The following KIAA1671 variants were observed in gnomAD, a reference collection of about 807,000 sequenced individuals.
KIAA1671 encodes the protein uncharacterized protein KIAA1671.
Under a neutral mutation model 131.2 loss-of-function variants are expected in KIAA1671, and 52 were observed. The ratio of observed to expected loss-of-function variants is 0.40; its 90% CI spans 0.32 to 0.50. The LOEUF (loss-of-function observed/expected upper bound fraction) is 0.50. KIAA1671 is among the 20% of genes least tolerant of loss of function. KIAA1671 has a pLI of 0.73. For synonymous variants in KIAA1671, 1,003 were observed against 961.6 expected, an observed-to-expected ratio of 1.04 and a Z score of -0.80; for missense variants, 2,360 against 2,364.2, an observed-to-expected ratio of 1.00 and a Z score of 0.04.
intron 6 of KIAA1671, among the ~76,000 whole-genome samples, chr22:25,071,543 A>C (rs1273544903): frequency 1.3e-5 from 2 of 148,208 alleles, no homozygotes; most frequent in Non-Finnish European, 3.0e-5. Flanking sequence ...AAAATAATGC[A>C]TGTGCATGGT....
At chr22:24,980,803 G>A (rs1324218950) in intron 1 of KIAA1671, among the ~76,000 whole-genome samples, 1 of 151,594 alleles carries the variant, frequency 6.6e-6, no homozygotes, top group East Asian at 1.9e-4. Flanking sequence ...CTGAAGTGCA[G>A]TGGCATGATC....
chr22:24,964,174 G>C (rs112117280), intron 1 of KIAA1671, among the ~76,000 whole-genome samples: 2,503 of 151,528 alleles, frequency 0.017, 65 homozygotes, highest in African/African-American at 0.057. Context: ...ACTAAAAATA[G>C]AAAAATTAGC....
chr22:25,051,253 G>C (rs945855803), intron 6 of KIAA1671: 1 of 152,280 alleles, frequency 6.6e-6, no homozygotes, highest in Admixed American at 6.5e-5. Flanking sequence ...AGGAGGTGGT[G>C]TTCAGCTCCT....
At chr22:25,187,147 C>T (rs887574320) in intron 11 of KIAA1671, among the ~76,000 whole-genome samples, 1 of 152,254 alleles carries the variant, frequency 6.6e-6, no homozygotes, top group African/African-American at 2.4e-5. Flanking sequence ...GTACCACCAA[C>T]AGGCCAGCAT....
chr22:25,004,562 A>G (rs1479529985), intron 1 of KIAA1671, among the ~76,000 whole-genome samples: 1 of 152,178 alleles, frequency 6.6e-6, no homozygotes, highest in Non-Finnish European at 1.5e-5. Context: ...CCATCTGCCC[A>G]TTTCCCTGCC....
Position 25,041,057 on chromosome 22 carries a change from A to C in KIAA1671, c.3927A>C (p.Pro1309=). The C allele has an allele frequency of 6.6e-7, 1 of 1,521,168 alleles. No homozygotes were observed. 94.2% of individuals were successfully genotyped at this position (1,521,168 alleles called of 1,614,324 possible). ...LPPSAPSERY[P]GGSPIPADPR... ...CCTCGGCTCCTTCTGAAAGGTATCCAGGGGGCTCTCCTATACCTGCGGATC... is the reference window on the plus strand; with the variant it reads ...CCTCGGCTCCTTCTGAAAGGTATCCCGGGGGCTCTCCTATACCTGCGGATC... Residue 1309 remains proline, a synonymous_variant, in exon 5 of 13, where the codon CCA becomes CCC. Coordinates refer to ENST00000358431, the MANE Select transcript of KIAA1671 (RefSeq NM_001145206.2).
intron 6 of KIAA1671, among the ~76,000 whole-genome samples, chr22:25,143,991 C>G (rs1932841064): frequency 6.6e-6 from 1 of 151,396 alleles, no homozygotes; most frequent in Non-Finnish European, 1.5e-5. Context: ...GGCAACATAG[C>G]AAGATCCCAT....
intron 6 of KIAA1671, among the ~76,000 whole-genome samples, chr22:25,122,615 C>T (rs1931995691): frequency 6.6e-6 from 1 of 152,160 alleles, no homozygotes; most frequent in Non-Finnish European, 1.5e-5. Flanking sequence ...CTTTCTTGGA[C>T]AAAGCCAAGA....
At position 25,052,208 on chromosome 22, in the gene KIAA1671, G is replaced by A. The variant is rs1927569035; in HGVS notation, c.4530+2844G>A. The A allele has an allele frequency of 2.0e-5, 3 of 152,372 alleles. No homozygotes were observed. In the East Asian group the frequency reaches 5.8e-4, roughly 29 times the overall value. The allele number at this position is 152,372 out of a possible 1,614,324, so 9.4% of individuals were successfully genotyped here. A position where few individuals can be genotyped will look rare whatever the true frequency, so the allele number is the denominator to read the frequency against. ...GGAAACAAGACACCCTGAGCCCTGG[G>A]ACTCCTCCTGGAGCTGAGAATGTGA... is the stretch of plus-strand genomic sequence containing the variant. On this transcript the variant is annotated intron_variant, in intron 6 of 12. Coordinates refer to ENST00000358431, the MANE Select transcript of KIAA1671 (RefSeq NM_001145206.2).
Position 25,174,394 on chromosome 22 carries a change from T to C in KIAA1671, c.4804T>C (p.Ser1602Pro). Residue 1602 changes from serine (S) to proline (P), a missense_variant, in exon 8 of 13, where the codon TCC (serine) becomes CCC (proline). This residue lies in a region of KIAA1671 where 1,161 missense variants were observed against 1,204.7 expected (regional missense o/e 0.96). Coordinates refer to ENST00000358431, the MANE Select transcript of KIAA1671 (RefSeq NM_001145206.2). Reference sequence around the variant, plus strand: ...CCAGCGGAGCACCAGCGTGGACCACTCCAGCACTGACCTGGAATCCACCGA... The same window carrying C: ...CCAGCGGAGCACCAGCGTGGACCACCCCAGCACTGACCTGGAATCCACCGA... ...RDQRSTSVDHSSTDLESTDGM... is the reference protein window; with the variant it reads ...RDQRSTSVDHPSTDLESTDGM... 1 of 1,551,880 alleles carries C rather than the reference T, an allele frequency of 6.4e-7. No homozygotes were observed.
rs759879869 is a variant in KIAA1671 at position 25,093,732 on chromosome 22, C to CTT, written c.4530+44368_4530+44369insTT. On this transcript the variant is annotated intron_variant, in intron 6 of 12. Coordinates refer to ENST00000358431, the MANE Select transcript of KIAA1671 (RefSeq NM_001145206.2). ...ACACACACACACACACACACACACA[C>CTT]ACACACTCTCTCTCTCTCTCTCTCT... Among the ~76,000 whole-genome samples, 265 of 111,568 alleles carry CTT rather than the reference C, an allele frequency of 2.4e-3. 7 individuals carry two copies. Among genetic ancestry groups the CTT allele is most frequent in the Non-Finnish European group, 3.8e-3 (208 of 54,986 alleles). 73.2% of individuals were successfully genotyped at this position (111,568 alleles called of 152,430 possible).
chr22:25,015,194 C>T (rs111391680), intron 1 of KIAA1671: 1 of 140,754 alleles, frequency 7.1e-6, no homozygotes, highest in South Asian at 2.3e-4. Context: ...GAGCTGAGAT[C>T]ATGCCTGGGA....
intron 6 of KIAA1671, among the ~76,000 whole-genome samples, chr22:25,123,432 TC>T (rs949912756): frequency 1.3e-5 from 2 of 152,152 alleles, no homozygotes; most frequent in Non-Finnish European, 2.9e-5. Flanking sequence ...GACCTTGTGA[TC>T]CACCCGCCTT....
At chr22:25,070,106 C>T (rs1928731321) in intron 6 of KIAA1671, 2 of 355,114 alleles carry the variant, frequency 5.6e-6, no homozygotes, top group East Asian at 4.2e-5. Context: ...AGGATCCACC[C>T]CTGGACCCGC....
rs149105808 is a variant in KIAA1671, at chr22:25,106,417, A to G, written c.4530+57053A>G. 3.1e-3 allele frequency among the ~76,000 whole-genome samples: 471 copies of G among 152,294 alleles called. 1 individual carries two copies. The highest frequency in any genetic ancestry group is 0.011 in the African/African-American group (449 of 41,568). The stretch of plus-strand genomic sequence containing the variant: ...TCGTAACCAGCATTCACAGCAGCTG[A>G]CGTGTGTGTGTGCACCTTCTAGAAA... On this transcript the variant is annotated intron_variant, in intron 6 of 12. Coordinates refer to ENST00000358431, the MANE Select transcript of KIAA1671 (RefSeq NM_001145206.2).
At chr22:25,048,408 A>G (rs1927359773) in intron 5 of KIAA1671, among the ~76,000 whole-genome samples, 1 of 152,180 alleles carries the variant, frequency 6.6e-6, no homozygotes, top group African/African-American at 2.4e-5. Context: ...GGGGACACTG[A>G]TCAAAAAGAG....
At position 25,042,463 on chromosome 22, in the gene KIAA1671, G is replaced by GTTTTTT. The variant is rs3063202; in HGVS notation, c.4395+954_4395+959dup. ...TGGTTTTGGGTTCCAGCAGTCCCTT[G>GTTTTTT]TTTTTTTTTTTTTTTTTTTTTGAGA... On this transcript the variant is annotated intron_variant, in intron 5 of 12. Coordinates refer to ENST00000358431, the MANE Select transcript of KIAA1671 (RefSeq NM_001145206.2). 2.4e-4 allele frequency among the ~76,000 whole-genome samples: 25 copies of GTTTTTT among 104,880 alleles called. 1 individual carries two copies. Among genetic ancestry groups the GTTTTTT allele is most frequent in the African/African-American group, 3.0e-4 (8 of 26,436 alleles). 68.8% of individuals were successfully genotyped at this position (104,880 alleles called of 152,430 possible).
rs1343781470 is a variant in KIAA1671 at position 25,196,617 on chromosome 22, T to C, written c.*4216T>C. 6.6e-6 allele frequency: 1 copy of C among 151,952 alleles called. No individual in the cohort carries two copies. The highest frequency in any genetic ancestry group is 1.5e-5 in the Non-Finnish European group (1 of 68,016). 9.4% of individuals were successfully genotyped at this position (151,952 alleles called of 1,614,324 possible). A position where few individuals can be genotyped will look rare whatever the true frequency, so the allele number is the denominator to read the frequency against. ...GCCCAGCTGATCTTTTAAATCTGTT[T>C]TGTAGAAACAGGATCTCACTATATT... On this transcript the variant is annotated 3_prime_UTR_variant, in exon 13 of 13. Transcript: ENST00000358431.
rs1268286648 is a variant in KIAA1671, at chr22:24,986,704, C to T, written c.-208+33932C>T. The stretch of plus-strand genomic sequence containing the variant: ...CCATCCACCCACCCATCCATCCATC[C>T]ATCCACCCACCCACCCATCCATCCA... On this transcript the variant is annotated intron_variant, in intron 1 of 12. Coordinates refer to ENST00000358431, the MANE Select transcript of KIAA1671 (RefSeq NM_001145206.2). 2.8e-5 allele frequency among the ~76,000 whole-genome samples: 4 copies of T among 141,696 alleles called. 1 individual carries two copies. Among genetic ancestry groups the T allele is most frequent in the African/African-American group, 1.0e-4 (4 of 38,276 alleles). The allele number at this position is 141,696 out of a possible 152,430, so 93.0% of individuals were successfully genotyped here.
Sources: gnomAD v4.1 joint callset for allele counts (sites outside exome capture counted in the v4.1 genomes callset) on GRCh38, gnomAD v4.1.1 for gene constraint, gnomAD v4.1.1 regional missense constraint, MANE v1.5 for transcripts, NCBI Gene and HGNC (gene_info 2026-07-23, HGNC 2026-07-21) for gene names.